Variants in CLASP1 observed in about 807,000 individuals in gnomAD.
CLASP1 encodes CLIP-associating protein 1.
Under a neutral mutation model 192.3 loss-of-function variants are expected in CLASP1, and 38 were observed. The observed-to-expected ratio is 0.20, with a 90% CI of 0.15 to 0.26. The LOEUF (loss-of-function observed/expected upper bound fraction) is 0.26. CLASP1 is among the 10% of genes least tolerant of loss of function. The pLI is 1.00. For synonymous variants in CLASP1, 691 were observed against 712.8 expected (o/e 0.97, Z 0.49); for missense variants, 1,433 against 1,932.5 (o/e 0.74, Z 4.85).
At chr2:121,611,738 A>G (rs2065563224) in intron 1 of CLASP1, among the ~76,000 whole-genome samples, 1 of 148,540 alleles carries the variant, frequency 6.7e-6, no homozygotes, top group African/African-American at 2.5e-5. Flanking sequence ...GTGTTGGAGG[A>G]GTTACAGGAG....
intron 8 of CLASP1, among the ~76,000 whole-genome samples, chr2:121,494,437 C>T (rs1426139766): frequency 6.6e-6 from 1 of 151,812 alleles, no homozygotes; most frequent in Non-Finnish European, 1.5e-5. Flanking sequence ...ATACCAGTTA[C>T]CAGCAGAGCC....
intron 37 of CLASP1, among the ~76,000 whole-genome samples, chr2:121,349,057 G>A (rs760890010): frequency 9.2e-5 from 14 of 152,010 alleles, no homozygotes; most frequent in Non-Finnish European, 1.3e-4. Context: ...TGGCTATCAC[G>A]GTGAGAACCC....
At chr2:121,442,629 A>G (rs2083541824) in intron 19 of CLASP1, among the ~76,000 whole-genome samples, 1 of 151,892 alleles carries the variant, frequency 6.6e-6, no homozygotes, top group Non-Finnish European at 1.5e-5. Flanking sequence ...AGAGGCACAC[A>G]CCACCACATC....
chr2:121,461,267 T>C (rs1361087068), intron 10 of CLASP1, 74 bp from the exon 11 acceptor site: 1 of 785,846 alleles, frequency 1.3e-6, no homozygotes, highest in African/African-American at 1.8e-5. Flanking sequence ...TTACATGAAG[T>C]CAAGAACATT....
intron 12 of CLASP1, chr2:121,459,653 A>G: frequency 4.9e-6 from 1 of 202,110 alleles, no homozygotes; most frequent in Non-Finnish European, 1.0e-5. Context: ...TCTGATAAAC[A>G]CGCTATTGCC....
At chr2:121,599,541 T>C (rs1368821423) in intron 2 of CLASP1, among the ~76,000 whole-genome samples, 1 of 139,778 alleles carries the variant, frequency 7.2e-6, no homozygotes, top group East Asian at 2.1e-4. Flanking sequence ...TGAGCCTAGA[T>C]TGCACCACTG....
intron 1 of CLASP1, among the ~76,000 whole-genome samples, chr2:121,635,060 G>A (rs1456464702): frequency 6.6e-6 from 1 of 152,022 alleles, no homozygotes; most frequent in Non-Finnish European, 1.5e-5. Flanking sequence ...TAGAGAGCTA[G>A]GCACTGTGGC....
rs556461742 is a variant in CLASP1, at chr2:121,381,058, A to G, written c.3491+1150T>C. ...AAAAGGAGTGACCTGCTTTGTTAAC[A>G]TTAAAGACAGCAGCCGTCTCCTCGC... On this transcript the variant is annotated intron_variant, in intron 33 of 39. Transcript: ENST00000263710. Among the ~76,000 whole-genome samples, 19 of 152,316 alleles carry G rather than the reference A, an allele frequency of 1.2e-4. No individual in the cohort carries two copies. The East Asian group carries it at 3.5e-3, about 28-fold the overall frequency.
At chr2:121,400,809 T>C (rs531324740) in intron 28 of CLASP1, among the ~76,000 whole-genome samples, 1 of 152,326 alleles carries the variant, frequency 6.6e-6, no homozygotes, top group East Asian at 1.9e-4. Flanking sequence ...CCTTTGTTCT[T>C]TAAAAAAGTT....
chr2:121,497,127 T>A (rs1471464980), intron 8 of CLASP1, among the ~76,000 whole-genome samples: 1 of 152,210 alleles, frequency 6.6e-6, no homozygotes, highest in African/African-American at 2.4e-5. Context: ...TTATTACCAC[T>A]GAACTGTACA....
At chr2:121,415,205 G>A (rs141447286) in intron 23 of CLASP1, among the ~76,000 whole-genome samples, 125 of 152,322 alleles carry the variant, frequency 8.2e-4, no homozygotes, top group African/African-American at 2.9e-3. Context: ...AATTGTAAAT[G>A]CTCGTTGGAT....
intron 7 of CLASP1, chr2:121,513,073 T>C (rs943800327): frequency 6.6e-6 from 1 of 152,338 alleles, no homozygotes. Context: ...TAGCAGATAC[T>C]GAAGTTCTCT....
intron 2 of CLASP1, among the ~76,000 whole-genome samples, chr2:121,603,353 G>A (rs1217965764): frequency 6.6e-6 from 1 of 152,070 alleles, no homozygotes; most frequent in Non-Finnish European, 1.5e-5. Context: ...TGAGGGAAAT[G>A]CAAATCAAAA....
chr2:121,588,861 C>A (rs1356539538), intron 2 of CLASP1, among the ~76,000 whole-genome samples: 1 of 152,204 alleles, frequency 6.6e-6, no homozygotes, highest in African/African-American at 2.4e-5. Flanking sequence ...GCACTCCTTG[C>A]CCTGTCCCTT....
chr2:121,446,143 A>G (rs1368822361), intron 19 of CLASP1, among the ~76,000 whole-genome samples: 3 of 152,254 alleles, frequency 2.0e-5, no homozygotes, highest in Non-Finnish European at 4.4e-5. Context: ...AGGTATTTCC[A>G]TAAAAACAAG....
chr2:121,551,695 AGAG>A (rs1324099971), intron 2 of CLASP1, among the ~76,000 whole-genome samples: 4 of 152,232 alleles, frequency 2.6e-5, no homozygotes, highest in Non-Finnish European at 5.9e-5. Flanking sequence ...CAGAGAAATC[AGAG>A]AAGACACAAA....
intron 8 of CLASP1, among the ~76,000 whole-genome samples, chr2:121,476,301 A>G (rs1049009696): frequency 6.6e-6 from 1 of 152,156 alleles, no homozygotes; most frequent in Non-Finnish European, 1.5e-5. Flanking sequence ...GCCCCAGCAG[A>G]GCCCAGCTGC....
At chr2:121,603,047 T>C (rs1040394293) in intron 2 of CLASP1, 3 of 151,880 alleles carry the variant, frequency 2.0e-5, no homozygotes, top group Non-Finnish European at 4.4e-5. Context: ...TATTTGCAAA[T>C]TACTCCTCTG....
At chr2:121,464,290 G>A (rs1332185954) in intron 9 of CLASP1, among the ~76,000 whole-genome samples, 1 of 151,942 alleles carries the variant, frequency 6.6e-6, no homozygotes, top group African/African-American at 2.4e-5. Flanking sequence ...ATTGTGAATA[G>A]TGCCGCAATA....
Sources: gnomAD v4.1 joint callset for allele counts (sites outside exome capture counted in the v4.1 genomes callset) on GRCh38, gnomAD v4.1.1 for gene constraint, MANE v1.5 for transcripts, NCBI Gene and HGNC (gene_info 2026-07-23, HGNC 2026-07-21) for gene names.